MAN1A1: variants seen among roughly 807,000 people sequenced by gnomAD.
The protein encoded by MAN1A1 is mannosidase alpha class 1A member 1, also known as mannosyl-oligosaccharide 1,2-alpha-mannosidase IA.
A neutral mutation model predicts 70.8 loss-of-function variants in MAN1A1; 29 were observed. The observed-to-expected ratio is 0.41, with a 90% CI of 0.31 to 0.56. MAN1A1 has a LOEUF of 0.56. Ranked by LOEUF, MAN1A1 falls within the 20% of genes least tolerant of loss-of-function variation. The pLI is 0.29. For missense variants in MAN1A1, 747 were observed against 841.3 expected, an observed-to-expected ratio of 0.89 and a Z score of 1.39; for synonymous variants, 349 against 330.1, an observed-to-expected ratio of 1.06 and a Z score of -0.62.
chr6:119,181,675 T>C (rs1023501820), intron 11 of MAN1A1, among the ~76,000 whole-genome samples: 1 of 152,226 alleles, frequency 6.6e-6, no homozygotes, highest in Non-Finnish European at 1.5e-5. Flanking sequence ...GTGTTTTCTT[T>C]TTCCCTTTCA....
At chr6:119,343,948 T>C (rs1325050803) in intron 2 of MAN1A1, among the ~76,000 whole-genome samples, 1 of 152,228 alleles carries the variant, frequency 6.6e-6, no homozygotes, top group East Asian at 1.9e-4. Flanking sequence ...ATTCCTCCCC[T>C]CTGACCTTCG....
Position 119,196,757 on chromosome 6 carries a change from TTC to T in MAN1A1, c.1211-2867_1211-2866del, listed in dbSNP as rs1391774194. Reference sequence around the variant, plus strand: ...AAATTTTTGTTGACTTCATCTGAATTTCTCTCTTTGAAACAATCCCCCAATGA... The same window carrying T: ...AAATTTTTGTTGACTTCATCTGAATTTCTCTTTGAAACAATCCCCCAATGA... On this transcript the variant is annotated intron_variant, in intron 8 of 12. Coordinates refer to ENST00000368468, the MANE Select transcript of MAN1A1 (RefSeq NM_005907.4). Among the ~76,000 whole-genome samples the T allele has an allele frequency of 5.9e-5, 9 of 152,290 alleles. No individual in the cohort carries two copies. The Middle Eastern group carries it at 0.01, about 173-fold the overall frequency.
chr6:119,193,654 C>T, intron 9 of MAN1A1, 123 bp downstream of exon 9: 1 of 577,948 alleles, frequency 1.7e-6, no homozygotes, highest in Non-Finnish European at 3.0e-6. Flanking sequence ...ATATCGAACT[C>T]TACCTAATTG....
At chr6:119,253,286 G>A (rs1775374618) in intron 5 of MAN1A1, among the ~76,000 whole-genome samples, 2 of 152,084 alleles carry the variant, frequency 1.3e-5, no homozygotes, top group South Asian at 4.1e-4. Context: ...TCTGAACCCT[G>A]GTGAAACCAT....
At chr6:119,250,901 T>C (rs537030366) in intron 5 of MAN1A1, among the ~76,000 whole-genome samples, 6 of 152,362 alleles carry the variant, frequency 3.9e-5, no homozygotes, top group African/African-American at 1.4e-4. Context: ...ATTAATCATT[T>C]AATATTCTGG....
intron 5 of MAN1A1, among the ~76,000 whole-genome samples, chr6:119,281,997 G>T (rs913666818): frequency 6.6e-6 from 1 of 152,152 alleles, no homozygotes; most frequent in African/African-American, 2.4e-5. Flanking sequence ...GAGAGGAGGA[G>T]TATGCAGTGA....
At chr6:119,190,228 T>C (rs1298996809) in intron 9 of MAN1A1, among the ~76,000 whole-genome samples, 1 of 152,166 alleles carries the variant, frequency 6.6e-6, no homozygotes, top group Non-Finnish European at 1.5e-5. Context: ...TTCATTTCCA[T>C]AAGTGGTGAA....
chr6:119,226,536 C>T (rs1192610380), intron 6 of MAN1A1, among the ~76,000 whole-genome samples: 1 of 152,152 alleles, frequency 6.6e-6, no homozygotes, highest in Non-Finnish European at 1.5e-5. Flanking sequence ...ATTTTAGACA[C>T]ATCTTCCCAG....
chr6:119,260,006 G>A (rs908997468), intron 5 of MAN1A1, among the ~76,000 whole-genome samples: 2 of 151,992 alleles, frequency 1.3e-5, no homozygotes, highest in African/African-American at 4.8e-5. Flanking sequence ...AAAAGATATT[G>A]TTCTATATAT....
In MAN1A1 at chr6:119,247,657, C is replaced by T. The variant is rs531453348; in HGVS notation, c.992+603G>A. ...GGATGTGTGTGTGTGTGTGTCTTTT[C>T]CAATTGGAGCCACATTCTCAAGAAC... is the stretch of plus-strand genomic sequence containing the variant. On this transcript the variant is annotated intron_variant, in intron 6 of 12. Transcript: ENST00000368468. Among the ~76,000 whole-genome samples the T allele has an allele frequency of 7.9e-5, 12 of 152,158 alleles. No individual in the cohort carries two copies. In the South Asian group the frequency reaches 2.5e-3, roughly 32 times the overall value.
intron 9 of MAN1A1, among the ~76,000 whole-genome samples, chr6:119,190,701 A>C (rs1773418707): frequency 6.6e-6 from 1 of 152,206 alleles, no homozygotes; most frequent in Non-Finnish European, 1.5e-5. Context: ...AAAATCTTTA[A>C]ATTTGGGAGA....
chr6:119,264,051 T>G (rs990933370), intron 5 of MAN1A1, among the ~76,000 whole-genome samples: 4 of 152,226 alleles, frequency 2.6e-5, no homozygotes, highest in Non-Finnish European at 4.4e-5. Flanking sequence ...TTTAGCTAAC[T>G]TTTTAAAAAA....
intron 5 of MAN1A1, among the ~76,000 whole-genome samples, chr6:119,254,514 A>G (rs1775409785): frequency 6.6e-6 from 1 of 152,260 alleles, no homozygotes; most frequent in Non-Finnish European, 1.5e-5. Flanking sequence ...TTAATTTGCC[A>G]ACCAATTGTT....
chr6:119,282,062 G>C (rs1334586936), intron 5 of MAN1A1, among the ~76,000 whole-genome samples: 2 of 152,028 alleles, frequency 1.3e-5, no homozygotes, highest in Non-Finnish European at 2.9e-5. Context: ...GCAAGACTCC[G>C]TCTCAGAAAA....
At chr6:119,349,907 T>G (rs530848193), upstream of MAN1A1, 62 of 331,536 alleles carry the variant, frequency 1.9e-4, no homozygotes, top group South Asian at 7.2e-3. Context: ...GGCGGGGAGT[T>G]TACGGGAAGC....
chr6:119,314,464 C>T (rs538805147), intron 2 of MAN1A1, among the ~76,000 whole-genome samples: 1 of 152,202 alleles, frequency 6.6e-6, no homozygotes, highest in Non-Finnish European at 1.5e-5. Flanking sequence ...TAATTTAACA[C>T]ATCCAATCCT....
chr6:119,260,480 A>G (rs1046329114), intron 5 of MAN1A1, among the ~76,000 whole-genome samples: 9 of 152,326 alleles, frequency 5.9e-5, no homozygotes, highest in African/African-American at 2.2e-4. Flanking sequence ...CTCAGGTTAA[A>G]TGTTTGAAAG....
In MAN1A1 at chr6:119,348,418, A is replaced by G. The variant is rs754248527; in HGVS notation, c.603+45T>C. ...TTCAAAGGCTTGCCGTTTCTCCCTG[A>G]AAAACACGGCCGGTCGGGAGGGATT... On this transcript the variant is annotated intron_variant, in intron 2 of 12. Coordinates refer to ENST00000368468, the MANE Select transcript of MAN1A1 (RefSeq NM_005907.4). 18 of 1,501,912 alleles carry G rather than the reference A, an allele frequency of 1.2e-5. No individual in the cohort carries two copies. The Admixed American group carries it at 1.7e-4, about 14-fold the overall frequency. 93.0% of individuals were successfully genotyped at this position (1,501,912 alleles called of 1,614,324 possible). A position where few individuals can be genotyped will look rare whatever the true frequency, so the allele number is the denominator to read the frequency against.
intron 2 of MAN1A1, among the ~76,000 whole-genome samples, chr6:119,312,830 A>G (rs561806381): frequency 3.3e-5 from 5 of 152,314 alleles, no homozygotes; most frequent in East Asian, 1.9e-4. Flanking sequence ...CAGGGTGTAT[A>G]TGGGAACTCT....
Sources: allele counts gnomAD v4.1 joint callset (sites outside exome capture counted in the v4.1 genomes callset), GRCh38; gene constraint gnomAD v4.1.1; transcripts MANE v1.5; gene names NCBI Gene and HGNC (gene_info 2026-07-23, HGNC 2026-07-21).